Variants in ZNF493 observed in about 807,000 individuals in gnomAD.
ZNF493 encodes the protein zinc finger protein 493.
In ZNF493, 11 loss-of-function variants were observed where a neutral mutation model predicts 12.2. The ratio of observed to expected loss-of-function variants is 0.90; its 90% CI spans 0.57 to 1.50. ZNF493 has a LOEUF of 1.50. Among genes scored for constraint, ZNF493 ranks in the 40% most tolerant of loss-of-function variants. The pLI, the probability that ZNF493 is intolerant of heterozygous loss-of-function variation, is 0.00. For missense variants in ZNF493, 950 were observed against 906.6 expected, an observed-to-expected ratio of 1.05 and a Z score of -0.61; for synonymous variants, 286 against 302.6, an observed-to-expected ratio of 0.95 and a Z score of 0.57.
At chr19:21,406,354 TTTG>T (rs1002830167) in intron 3 of ZNF493, among the ~76,000 whole-genome samples, 2 of 152,148 alleles carry the variant, frequency 1.3e-5, no homozygotes, top group Non-Finnish European at 2.9e-5. Flanking sequence ...TTGTTTTTTT[TTTG>T]TTGTTCTTTT....
At position 21,417,126 on chromosome 19, in the gene ZNF493, A is replaced by G. The variant is rs547115064; in HGVS notation, c.254-5787A>G. Among the ~76,000 whole-genome samples the G allele has an allele frequency of 7.7e-4, 117 of 152,306 alleles. 1 individual carries two copies. In the South Asian group the frequency reaches 0.019, roughly 25 times the overall value. On this transcript the variant is annotated intron_variant, in intron 3 of 3. Transcript: ENST00000392288. ...AATCAGGTTCCCATCTTTATCAAAC[A>G]GAGTGGCACTGATTAGCCCAATGTT... is the stretch of plus-strand genomic sequence containing the variant.
chr19:21,398,437 T>A (rs1024546731), intron 1 of ZNF493: 7 of 191,392 alleles, frequency 3.7e-5, no homozygotes, highest in African/African-American at 1.7e-4. Flanking sequence ...AGAATGTTTT[T>A]GGGTCGAAGT....
At position 21,424,850 on chromosome 19, in the gene ZNF493, C is replaced by T. The variant is rs2030810414; in HGVS notation, c.2191C>T (p.His731Tyr). Reference protein sequence around the residue: ...AFNHSSNLIKHKLIHTGDKPY... With the variant: ...AFNHSSNLIKYKLIHTGDKPY... ...TAACCATTCCTCAAACCTTATTAAA[C>T]ATAAGCTAATTCATACTGGAGACAA... The change falls in exon 4 of 4, where the codon CAT becomes TAT. Residue 731 changes from histidine to tyrosine, a missense_variant. Coordinates refer to ENST00000392288, the MANE Select transcript of ZNF493 (RefSeq NM_001076678.3). 1.2e-6 allele frequency: 2 copies of T among 1,613,206 alleles called. No homozygotes were observed. Among genetic ancestry groups the T allele is most frequent in the Non-Finnish European group, 1.7e-6 (2 of 1,179,606 alleles).
chr19:21,400,441 T>A lies in ZNF493; in HGVS notation c.30+3174T>A, dbSNP rs149866606. Among the ~76,000 whole-genome samples, 16 of 152,298 alleles carry A rather than the reference T, an allele frequency of 1.1e-4. No individual in the cohort carries two copies. The East Asian group carries it at 3.1e-3, about 29-fold the overall frequency. On this transcript the variant is annotated intron_variant, in intron 1 of 3. Coordinates refer to ENST00000392288, the MANE Select transcript of ZNF493 (RefSeq NM_001076678.3). The stretch of plus-strand genomic sequence containing the variant: ...AAAATGTAAGCACCTTAAAATTTTT[T>A]TTCCCGTATGTGAACACTGTGTTTC...
At chr19:21,405,934 G>C in intron 3 of ZNF493, 78 bp downstream of exon 3, 2 of 864,318 alleles carry the variant, frequency 2.3e-6, no homozygotes, top group Non-Finnish European at 3.2e-6. Context: ...AAAAAAGCCA[G>C]TCCTGGCCGG....
intron 1 of ZNF493, among the ~76,000 whole-genome samples, chr19:21,401,355 G>A: frequency 6.6e-6 from 1 of 152,076 alleles, no homozygotes; most frequent in East Asian, 1.9e-4. Context: ...TGGTTTTCCA[G>A]TATTTTCTTG....
intron 3 of ZNF493, chr19:21,413,190 C>T: frequency 3.1e-6 from 1 of 321,076 alleles, no homozygotes; most frequent in Non-Finnish European, 5.8e-6. Flanking sequence ...TGGCCAGGTA[C>T]TATTTTGTTT....
At position 21,425,474 on chromosome 19, in the gene ZNF493, C is replaced by G; in HGVS notation, c.*490C>G. 1 of 459,782 alleles carries G rather than the reference C, an allele frequency of 2.2e-6. No homozygotes were observed. The highest frequency in any genetic ancestry group is 2.0e-5 in the African/African-American group (1 of 49,306). The allele number at this position is 459,782 out of a possible 1,614,324, so 28.5% of individuals were successfully genotyped here. ...AATGTGGCAAAGCTTTTAACAAATCCTCATCCATTAGTAAACATAAGATAA... is the reference window on the plus strand; with the variant it reads ...AATGTGGCAAAGCTTTTAACAAATCGTCATCCATTAGTAAACATAAGATAA... On this transcript the variant is annotated 3_prime_UTR_variant, in exon 4 of 4. Coordinates refer to ENST00000392288, the MANE Select transcript of ZNF493 (RefSeq NM_001076678.3).
intron 3 of ZNF493, chr19:21,408,543 G>A (rs2030212614): frequency 1.0e-6 from 1 of 984,002 alleles, no homozygotes; most frequent in Non-Finnish European, 1.2e-6. Context: ...TGCTTTTGAT[G>A]AGTACAGTTA....
At position 21,397,156 on chromosome 19, in the gene ZNF493, C is replaced by T. The variant is rs1008957968; in HGVS notation, c.-82C>T. The T allele has an allele frequency of 1.6e-5, 24 of 1,528,934 alleles. No homozygotes were observed. In the African/African-American group the frequency reaches 2.3e-4, roughly 15 times the overall value. 94.7% of individuals were successfully genotyped at this position (1,528,934 alleles called of 1,614,324 possible). On this transcript the variant is annotated 5_prime_UTR_variant, in exon 1 of 4. Coordinates refer to ENST00000392288, the MANE Select transcript of ZNF493 (RefSeq NM_001076678.3). ...CCATTGTTTCTCTCTGCTGCCGGAG[C>T]TCCAGGTCTACCCTTCACTGCTCTG...
chr19:21,408,854 T>C, intron 3 of ZNF493: 1 of 962,884 alleles, frequency 1.0e-6, no homozygotes, highest in Non-Finnish European at 1.2e-6. Context: ...GGTTATGGCT[T>C]ATCTTGTATA....
intron 3 of ZNF493, among the ~76,000 whole-genome samples, chr19:21,409,586 T>A (rs1017581132): frequency 6.6e-6 from 1 of 152,010 alleles, no homozygotes; most frequent in African/African-American, 2.4e-5. Flanking sequence ...TTTACAAAAA[T>A]TTTTTAAAAA....
rs372277460 is a variant in ZNF493, at chr19:21,418,991, C to A, written c.254-3922C>A. Among the ~76,000 whole-genome samples, 4 of 152,132 alleles carry A rather than the reference C, an allele frequency of 2.6e-5. No individual in the cohort carries two copies. In the South Asian group the frequency reaches 8.3e-4, roughly 31 times the overall value. ...GGCCAGTTTTGGGGCCACTTTTTGG[C>A]CAGATTTTGGGGGGCCTGTTCCCAA... On this transcript the variant is annotated intron_variant, in intron 3 of 3. Transcript: ENST00000392288.
intron 3 of ZNF493, among the ~76,000 whole-genome samples, chr19:21,422,078 T>C (rs1016722621): frequency 6.6e-6 from 1 of 152,070 alleles, no homozygotes; most frequent in Non-Finnish European, 1.5e-5. Context: ...TCTCTTGAAC[T>C]CGTGATCCAC....
chr19:21,420,846 T>A (rs79409602), intron 3 of ZNF493, among the ~76,000 whole-genome samples: 4,167 of 150,270 alleles, frequency 0.028, 120 homozygotes, highest in African/African-American at 0.056. Context: ...CTGCCTCCTT[T>A]GTTCAGGCAA....
At position 21,397,213 on chromosome 19, in the gene ZNF493, A is replaced by G; in HGVS notation, c.-25A>G. The G allele has an allele frequency of 1.2e-6, 2 of 1,614,176 alleles. No homozygotes were observed. Among genetic ancestry groups the G allele is most frequent in the Non-Finnish European group, 8.5e-7 (1 of 1,180,008 alleles). On this transcript the variant is annotated 5_prime_UTR_variant, in exon 1 of 4. Coordinates refer to ENST00000392288, the MANE Select transcript of ZNF493 (RefSeq NM_001076678.3). ...CAGCGTGTGTGGCTTCGTGACCTGA[A>G]GATACTGGGAAATCCATAGCTAAGA...
chr19:21,420,623 A>ATTTTTTTTTTT (rs1164416201), intron 3 of ZNF493, among the ~76,000 whole-genome samples: 1 of 16,118 alleles, frequency 6.2e-5, no homozygotes. Flanking sequence ...ATATATATAT[A>ATTTTTTTTTTT]TTTTTTTTTT....
intron 3 of ZNF493, among the ~76,000 whole-genome samples, chr19:21,406,524 GAC>G (rs934892703): frequency 6.6e-6 from 1 of 152,076 alleles, no homozygotes; most frequent in Non-Finnish European, 1.5e-5. Flanking sequence ...TGTTTTGGGG[GAC>G]ACACAAATAT....
Position 21,424,771 on chromosome 19 carries a change from G to C in ZNF493, c.2112G>C (p.Lys704Asn). The part of the protein sequence containing the change: ...FYRFSNLNTH[K>N]IIHTGEKPCK... ...GATTCTCAAACCTTAATACGCATAA[G>C]ATAATTCATACTGGAGAGAAACCTT... Residue 704 changes from lysine to asparagine, a missense_variant, in exon 4 of 4, where the codon AAG becomes AAC. By Grantham distance (94) the Lys-to-Asn change is moderately conservative. Transcript: ENST00000392288. The C allele has an allele frequency of 1.2e-6, 2 of 1,613,032 alleles. No individual in the cohort carries two copies. Among genetic ancestry groups the C allele is most frequent in the Non-Finnish European group, 8.5e-7 (1 of 1,179,528 alleles).
Sources: gnomAD v4.1 joint callset for allele counts (sites outside exome capture counted in the v4.1 genomes callset) on GRCh38, gnomAD v4.1.1 for gene constraint, MANE v1.5 for transcripts, NCBI Gene and HGNC (gene_info 2026-07-23, HGNC 2026-07-21) for gene names.